DPH5: variants seen among roughly 807,000 people sequenced by gnomAD.
DPH5 encodes the protein diphthamide biosynthesis 5.
DPH5 carries 31 observed loss-of-function variants against 31.6 expected under a neutral mutation model. The observed-to-expected ratio is 0.98, with a 90% CI of 0.74 to 1.32. The LOEUF (loss-of-function observed/expected upper bound fraction) is 1.32, where lower values mean the gene tolerates loss of function less well. Among genes scored for constraint, DPH5 ranks in the 40% most tolerant of loss-of-function variants. The probability of loss-of-function intolerance (pLI) is 0.00; values close to 1 mark genes in which losing one functional copy is unlikely to be tolerated. For synonymous variants in DPH5, 120 were observed against 115.0 expected, an observed-to-expected ratio of 1.04 and a Z score of -0.28; for missense variants, 309 against 335.7, an observed-to-expected ratio of 0.92 and a Z score of 0.62.
rs72736203 is a variant in DPH5, at chr1:101,003,202, C to T, written c.370-1615G>A. Among the ~76,000 whole-genome samples the T allele has an allele frequency of 5.3e-3, 810 of 152,174 alleles. 8 individuals carry two copies. Among genetic ancestry groups the T allele is most frequent in the African/African-American group, 0.018 (748 of 41,508 alleles). ...CTTCCTGCCACATGTGACAGGTTTC[C>T]CTGTGACAATGTATTTCTAGTTCCA... On this transcript the variant is annotated intron_variant, in intron 4 of 7. Coordinates refer to ENST00000370109, the MANE Select transcript of DPH5 (RefSeq NM_015958.3).
Position 101,004,331 on chromosome 1 carries a change from C to T in DPH5, c.370-2744G>A, listed in dbSNP as rs368649746. Among the ~76,000 whole-genome samples, 7 of 152,306 alleles carry T rather than the reference C, an allele frequency of 4.6e-5. No individual in the cohort carries two copies. The East Asian group carries it at 1.3e-3, about 29-fold the overall frequency. On this transcript the variant is annotated intron_variant, in intron 4 of 7. Transcript: ENST00000370109. ...AGTGAACTATACTAGAGCAAAGTCA[C>T]ACAGTGATGAGAACTGAGATTGCAG...
At chr1:101,006,993 T>C (rs571164743) in intron 4 of DPH5, among the ~76,000 whole-genome samples, 1 of 149,740 alleles carries the variant, frequency 6.7e-6, no homozygotes, top group African/African-American at 2.4e-5. Context: ...TTTATCTGCC[T>C]TTTAAAATGT....
intron 3 of DPH5, among the ~76,000 whole-genome samples, chr1:101,016,353 C>G (rs1660075884): frequency 6.6e-6 from 1 of 150,440 alleles, no homozygotes. Context: ...GACTCCTTCT[C>G]AAAAAAAAGA....
chr1:100,991,307 T>C lies in DPH5; in HGVS notation c.635-676A>G, dbSNP rs187416570. Among the ~76,000 whole-genome samples, 562 of 152,350 alleles carry C rather than the reference T, an allele frequency of 3.7e-3. 1 individual carries two copies. The highest frequency in any genetic ancestry group is 0.013 in the African/African-American group (540 of 41,576). On this transcript the variant is annotated intron_variant, in intron 7 of 7. Coordinates refer to ENST00000370109, the MANE Select transcript of DPH5 (RefSeq NM_015958.3). ...TAAAGAGCTGACCCTTTAATGGTTG[T>C]ATTGTTTAGTTGGGAAAGGGGTCTT...
chr1:101,007,295 T>C (rs1451073248), intron 4 of DPH5, among the ~76,000 whole-genome samples: 7 of 152,238 alleles, frequency 4.6e-5, no homozygotes, highest in Admixed American at 6.5e-5. Context: ...TCTGTGAGCA[T>C]AGAAATCATT....
At chr1:101,015,386 T>C (rs1372305453) in intron 3 of DPH5, among the ~76,000 whole-genome samples, 1 of 152,222 alleles carries the variant, frequency 6.6e-6, no homozygotes, top group Non-Finnish European at 1.5e-5. Context: ...AATAATGTTT[T>C]GAAAGAAATC....
rs1284255489 is a variant in DPH5 at position 100,990,325 on chromosome 1, T to C, written c.*83A>G. 1.0e-5 allele frequency: 13 copies of C among 1,280,782 alleles called. No homozygotes were observed. The highest frequency in any genetic ancestry group is 1.3e-5 in the Non-Finnish European group (12 of 897,262). The allele number at this position is 1,280,782 out of a possible 1,614,324, so 79.3% of individuals were successfully genotyped here. ...GAATTATGAGGATTAAAATTCAAGA[T>C]GAGACTTGGGTGGGGATACATCCAA... On this transcript the variant is annotated 3_prime_UTR_variant, in exon 8 of 8. Coordinates refer to ENST00000370109, the MANE Select transcript of DPH5 (RefSeq NM_015958.3).
chr1:101,009,889 G>A (rs898397545), intron 4 of DPH5, among the ~76,000 whole-genome samples: 2 of 152,158 alleles, frequency 1.3e-5, no homozygotes, highest in Non-Finnish European at 2.9e-5. Context: ...AACAAGCCAA[G>A]CTCATTCTCA....
intron 3 of DPH5, among the ~76,000 whole-genome samples, chr1:101,018,613 T>C (rs889876704): frequency 3.3e-5 from 5 of 152,196 alleles, no homozygotes; most frequent in Non-Finnish European, 7.3e-5. Flanking sequence ...AATTTAGTAA[T>C]GTTTGCAATG....
At chr1:101,016,570 C>A (rs1375947010) in intron 3 of DPH5, among the ~76,000 whole-genome samples, 1 of 151,224 alleles carries the variant, frequency 6.6e-6, no homozygotes, top group Non-Finnish European at 1.5e-5. Flanking sequence ...CTCAGCCTCT[C>A]GGGTAGCTGG....
intron 3 of DPH5, among the ~76,000 whole-genome samples, chr1:101,019,094 T>A (rs1020038140): frequency 3.9e-5 from 6 of 152,184 alleles, no homozygotes; most frequent in Admixed American, 3.3e-4. Flanking sequence ...AATGGAATAA[T>A]AAAACAGAAC....
chr1:101,025,232 T>C (rs2101328883), intron 2 of DPH5, 77 bp downstream of exon 2: 2 of 1,556,698 alleles, frequency 1.3e-6, no homozygotes, highest in African/African-American at 2.7e-5. Context: ...ACCTGAAAAT[T>C]CTGTTCAGCT....
intron 2 of DPH5, chr1:101,023,233 A>T (rs1473890175): frequency 6.6e-6 from 1 of 152,096 alleles, no homozygotes; most frequent in Non-Finnish European, 1.5e-5. Flanking sequence ...TAATAAAAAG[A>T]GTGGCAGACT....
At chr1:101,021,527 C>A in intron 3 of DPH5, 114 bp downstream of exon 3, 1 of 1,053,636 alleles carries the variant, frequency 9.5e-7, no homozygotes, top group African/African-American at 1.6e-5. Flanking sequence ...GCTTAAGTAA[C>A]CAGAGTTCCT....
chr1:101,011,541 CCACT>C (rs1306325524), intron 4 of DPH5: 2 of 152,208 alleles, frequency 1.3e-5, no homozygotes, highest in Non-Finnish European at 2.9e-5. Context: ...CCGTAAATTC[CCACT>C]CAAATACCTT....
intron 1 of DPH5, 103 bp downstream of exon 1, chr1:101,025,580 G>A (rs973906162): frequency 8.5e-6 from 9 of 1,059,514 alleles, no homozygotes; most frequent in Middle Eastern, 2.1e-4. Flanking sequence ...TCACAAGGAG[G>A]GGTTTGGGAA....
intron 3 of DPH5, among the ~76,000 whole-genome samples, chr1:101,020,621 T>C (rs1660376698): frequency 6.6e-6 from 1 of 152,000 alleles, no homozygotes; most frequent in East Asian, 1.9e-4. Context: ...AGCAGCTAAC[T>C]GCCTACTTGA....
rs1349166779 is a variant in DPH5, at chr1:100,990,279, A to G, written c.*129T>C. 7.3e-6 allele frequency: 6 copies of G among 823,500 alleles called. No homozygotes were observed. Among genetic ancestry groups the G allele is most frequent in the South Asian group, 1.7e-5 (1 of 60,466 alleles). The allele number at this position is 823,500 out of a possible 1,614,324, so 51.0% of individuals were successfully genotyped here. A position where few individuals can be genotyped will look rare whatever the true frequency, so the allele number is the denominator to read the frequency against. On this transcript the variant is annotated 3_prime_UTR_variant, in exon 8 of 8. Transcript: ENST00000370109. ...TGAGGGAAACTGCCCCCATGATTCA[A>G]TTACCTACCACAACACCTGGGAATT...
intron 4 of DPH5, among the ~76,000 whole-genome samples, chr1:101,004,691 T>A (rs570627184): frequency 6.6e-6 from 1 of 152,188 alleles, no homozygotes; most frequent in Non-Finnish European, 1.5e-5. Context: ...AAATATGCTA[T>A]AGACTCTAAG....
Sources: gnomAD v4.1 joint callset for allele counts (sites outside exome capture counted in the v4.1 genomes callset) on GRCh38, gnomAD v4.1.1 for gene constraint, MANE v1.5 for transcripts, NCBI Gene and HGNC (gene_info 2026-07-23, HGNC 2026-07-21) for gene names.